SNX29: variants seen among roughly 807,000 people sequenced by gnomAD.
The protein encoded by SNX29 is sorting nexin-29.
In SNX29, 78 loss-of-function variants were observed where a neutral mutation model predicts 102.1. That is an observed-to-expected ratio of 0.76 (90% CI 0.64 to 0.92). SNX29 has a LOEUF of 0.92. Among genes scored for constraint, SNX29 ranks in the 40% least tolerant of loss-of-function variants. The probability of loss-of-function intolerance (pLI) is 0.00; values close to 1 mark genes in which losing one functional copy is unlikely to be tolerated. For synonymous variants in SNX29, 580 were observed against 414.5 expected (o/e 1.40, Z -4.85); for missense variants, 1,280 against 1,061.7 (o/e 1.21, Z -2.86).
intron 15 of SNX29, among the ~76,000 whole-genome samples, chr16:12,344,385 A>G (rs1334302953): frequency 6.6e-6 from 1 of 152,160 alleles, no homozygotes; most frequent in Non-Finnish European, 1.5e-5. Flanking sequence ...AACCTCCGTG[A>G]GCCTCCATTT....
intron 18 of SNX29, among the ~76,000 whole-genome samples, chr16:12,470,267 T>C (rs1304322994): frequency 6.6e-6 from 1 of 152,224 alleles, no homozygotes; most frequent in African/African-American, 2.4e-5. Flanking sequence ...TGGTCTATGC[T>C]GCAGGAAGCA....
At chr16:12,223,353 C>G (rs544646124) in intron 14 of SNX29, among the ~76,000 whole-genome samples, 4 of 152,104 alleles carry the variant, frequency 2.6e-5, no homozygotes, top group Non-Finnish European at 4.4e-5. Flanking sequence ...TGGCAAAACC[C>G]TATCTCTATT....
intron 18 of SNX29, among the ~76,000 whole-genome samples, chr16:12,456,842 G>A (rs79872625): frequency 2.0e-5 from 3 of 152,040 alleles, no homozygotes; most frequent in Admixed American, 1.3e-4. Context: ...TCACAGAGAC[G>A]TACCTAGGTT....
At chr16:12,097,533 CCA>C (rs1446736684) in intron 11 of SNX29, among the ~76,000 whole-genome samples, 1 of 128,786 alleles carries the variant, frequency 7.8e-6, no homozygotes, top group Non-Finnish European at 1.6e-5. Context: ...TTGGTTTGGG[CCA>C]CACATGATTT....
At chr16:12,453,463 C>T (rs1479035366) in intron 18 of SNX29, among the ~76,000 whole-genome samples, 1 of 152,192 alleles carries the variant, frequency 6.6e-6, no homozygotes, top group African/African-American at 2.4e-5. Context: ...CTAATGCCTA[C>T]TTTGCAGGGT....
intron 19 of SNX29, among the ~76,000 whole-genome samples, chr16:12,484,728 C>T (rs1039350240): frequency 1.4e-4 from 21 of 152,214 alleles, no homozygotes; most frequent in Non-Finnish European, 3.1e-4. Flanking sequence ...CACCAGATGT[C>T]AGTTCAGATT....
At position 12,343,713 on chromosome 16, in the gene SNX29, GGC is replaced by G. The variant is rs573866387; in HGVS notation, c.1783-12449_1783-12448del. ...CCCACGAGATAGGGAGCTCTGTGAG[GGC>G]AGGGGCAGGGGCAGGGGCAGGGTCC... On this transcript the variant is annotated intron_variant, in intron 15 of 20. Transcript: ENST00000566228. Among the ~76,000 whole-genome samples the G allele has an allele frequency of 1.1e-3, 144 of 133,088 alleles. 1 individual carries two copies. The highest frequency in any genetic ancestry group is 5.6e-3 in the African/African-American group (138 of 24,476). The allele number at this position is 133,088 out of a possible 152,430, so 87.3% of individuals were successfully genotyped here. A position where few individuals can be genotyped will look rare whatever the true frequency, so the allele number is the denominator to read the frequency against.
At chr16:12,213,764 G>A (rs1327850471) in intron 14 of SNX29, among the ~76,000 whole-genome samples, 1 of 152,270 alleles carries the variant, frequency 6.6e-6, no homozygotes, top group East Asian at 1.9e-4. Flanking sequence ...CCAGTTTCCC[G>A]ACCTTTAAGT....
intron 16 of SNX29, among the ~76,000 whole-genome samples, chr16:12,376,518 T>C (rs2082878931): frequency 6.6e-6 from 1 of 151,868 alleles, no homozygotes; most frequent in Non-Finnish European, 1.5e-5. Flanking sequence ...GGTGGATCAT[T>C]TGAGGTCAGG....
intron 19 of SNX29, among the ~76,000 whole-genome samples, chr16:12,486,979 T>C (rs2088274622): frequency 6.6e-6 from 1 of 152,206 alleles, no homozygotes; most frequent in African/African-American, 2.4e-5. Context: ...TAATAAGCAC[T>C]GAGAGTCAAA....
intron 20 of SNX29, among the ~76,000 whole-genome samples, chr16:12,558,641 C>G (rs1240362358): frequency 5.3e-5 from 8 of 152,212 alleles, no homozygotes; most frequent in East Asian, 1.9e-4. Context: ...TAAAAGAAAC[C>G]TATTCTCCAT....
intron 18 of SNX29, among the ~76,000 whole-genome samples, chr16:12,471,151 T>C (rs1360619481): frequency 6.6e-6 from 1 of 152,190 alleles, no homozygotes; most frequent in Non-Finnish European, 1.5e-5. Context: ...TTAAACCAGA[T>C]TGAGGGCTTC....
intron 14 of SNX29, among the ~76,000 whole-genome samples, chr16:12,235,565 A>AT (rs113361814): frequency 0.041 from 6,166 of 151,944 alleles, 440 homozygotes; most frequent in African/African-American, 0.14. Flanking sequence ...ACTTTCCTAT[A>AT]TTGATATATT....
intron 15 of SNX29, among the ~76,000 whole-genome samples, chr16:12,283,395 C>A (rs1479947325): frequency 6.6e-6 from 1 of 150,756 alleles, no homozygotes; most frequent in Non-Finnish European, 1.5e-5. Flanking sequence ...TCTTGGCTCA[C>A]TGCAAGCTCC....
Position 12,299,086 on chromosome 16 carries a change from G to C in SNX29, c.1782+21050G>C, listed in dbSNP as rs74901331. 7.9e-3 allele frequency among the ~76,000 whole-genome samples: 1,202 copies of C among 151,954 alleles called. 20 individuals carry two copies. The highest frequency in any genetic ancestry group is 0.027 in the African/African-American group (1,129 of 41,430). On this transcript the variant is annotated intron_variant, in intron 15 of 20. Transcript: ENST00000566228. ...AGGTCAAGGTAGGTGAATCACTTGA[G>C]GTCAGGAGTTCGAGACCCACCTGGC...
intron 13 of SNX29, among the ~76,000 whole-genome samples, chr16:12,174,602 A>G (rs1442980004): frequency 1.3e-5 from 2 of 152,230 alleles, no homozygotes; most frequent in Non-Finnish European, 2.9e-5. Context: ...TGACAGACAA[A>G]CCAACCTCTT....
At chr16:12,004,089 C>T (rs1226257499) in intron 3 of SNX29, among the ~76,000 whole-genome samples, 2 of 151,302 alleles carry the variant, frequency 1.3e-5, no homozygotes, top group Admixed American at 6.6e-5. Context: ...CGCCTGTAAT[C>T]CCAGCACTTT....
At chr16:12,203,565 G>C (rs953201818) in intron 14 of SNX29, among the ~76,000 whole-genome samples, 1 of 152,054 alleles carries the variant, frequency 6.6e-6, no homozygotes, top group Non-Finnish European at 1.5e-5. Flanking sequence ...CGTCTCTGAA[G>C]TTGTGTAGTG....
intron 14 of SNX29, among the ~76,000 whole-genome samples, chr16:12,269,951 C>G (rs2079042944): frequency 6.6e-6 from 1 of 152,136 alleles, no homozygotes; most frequent in South Asian, 2.1e-4. Context: ...GTTTCCATCT[C>G]CCAGGTTCAA....
Sources: allele counts gnomAD v4.1 joint callset (sites outside exome capture counted in the v4.1 genomes callset), GRCh38; gene constraint gnomAD v4.1.1; transcripts MANE v1.5; gene names NCBI Gene and HGNC (gene_info 2026-07-23, HGNC 2026-07-21).